The following MELTF variants were observed in gnomAD, a reference collection of about 807,000 sequenced individuals.
MELTF encodes the protein melanotransferrin.
A neutral mutation model predicts 83.7 loss-of-function variants in MELTF; 67 were observed. The observed-to-expected ratio is 0.80, with a 90% confidence interval of 0.66 to 0.98. The LOEUF is 0.98. Ranked by LOEUF, MELTF falls within the 50% of genes least tolerant of loss-of-function variation. The pLI is 0.00. For synonymous variants in MELTF, 462 were observed against 447.6 expected (o/e 1.03, Z -0.41); for missense variants, 1,002 against 1,035.6 (o/e 0.97, Z 0.44).
chr3:197,001,914 A>G lies in MELTF; in HGVS notation c.*1458T>C. ...ACACCTTCAATGGCCACGGCACGCT[A>G]GCCCAGAGTTAGCCACACAGAAACA... is the stretch of plus-strand genomic sequence containing the variant. On this transcript the variant is annotated 3_prime_UTR_variant, in exon 16 of 16. Transcript: ENST00000296350. 1 of 152,370 alleles carries G rather than the reference A, an allele frequency of 6.6e-6. No homozygotes were observed. The highest frequency in any genetic ancestry group is 1.5e-5 in the Non-Finnish European group (1 of 68,076). The allele number at this position is 152,370 out of a possible 1,614,324, so 9.4% of individuals were successfully genotyped here.
Position 197,026,978 on chromosome 3 carries a change from A to C in MELTF, c.205-219T>G, listed in dbSNP as rs1719882993. ...CTAATAATGTTAAAAAAAAAATACT[A>C]ATCATTGATTTTGCAGGACTCAGAT... On this transcript the variant is annotated intron_variant, in intron 2 of 15. Transcript: ENST00000296350. 9.1e-6 allele frequency: 5 copies of C among 550,042 alleles called. No homozygotes were observed. The Admixed American group carries it at 1.2e-4, about 13-fold the overall frequency. 34.1% of individuals were successfully genotyped at this position (550,042 alleles called of 1,614,324 possible).
intron 10 of MELTF, 30 bp downstream of exon 10, chr3:197,010,668 C>T: frequency 6.3e-7 from 1 of 1,583,026 alleles, no homozygotes; most frequent in African/African-American, 1.3e-5. Context: ...CACCTCCCGG[C>T]TGAGGCCAGG....
intron 11 of MELTF, among the ~76,000 whole-genome samples, chr3:197,009,275 G>A (rs1719094628): frequency 6.6e-6 from 1 of 152,158 alleles, no homozygotes; most frequent in Non-Finnish European, 1.5e-5. Flanking sequence ...CAGCTGTCTG[G>A]GAGTGGGAGC....
Position 197,016,219 on chromosome 3 carries a change from C to T in MELTF, c.1051G>A (p.Ala351Thr), listed in dbSNP as rs549039602. 13 of 1,586,648 alleles carry T rather than the reference C, an allele frequency of 8.2e-6. No homozygotes were observed. The highest frequency in any genetic ancestry group is 1.4e-5 in the African/African-American group (1 of 73,566). ...EAWLGHEYLH[A>T]MKGLLCDPNR... The stretch of plus-strand genomic sequence containing the variant: ...GGGTCACAGAGCAGACCCTTCATGG[C>T]GTGCAGGTACTCATGGCCCAGCCAC... Residue 351 changes from alanine (A) to threonine (T), a missense_variant, in exon 8 of 16, where the codon GCC becomes ACC. Physicochemically the swap from Ala to Thr is moderately conservative, Grantham distance 58. Transcript: ENST00000296350.
Position 197,028,156 on chromosome 3 carries a change from T to G in MELTF, c.50-246A>C. The G allele has an allele frequency of 1.2e-5, 6 of 495,970 alleles. No individual in the cohort carries two copies. The South Asian group carries it at 2.0e-4, about 16-fold the overall frequency. The allele number at this position is 495,970 out of a possible 1,614,324, so 30.7% of individuals were successfully genotyped here. A position where few individuals can be genotyped will look rare whatever the true frequency, so the allele number is the denominator to read the frequency against. ...AATGGAATGGCTCAGAACCCGGCCC[T>G]TTATGGAGGAATGGGAGGGTCTACA... On this transcript the variant is annotated intron_variant, in intron 1 of 15. Transcript: ENST00000296350.
chr3:197,020,744 C>T (rs1719587079), intron 6 of MELTF, among the ~76,000 whole-genome samples: 2 of 151,462 alleles, frequency 1.3e-5, no homozygotes, highest in South Asian at 4.2e-4. Flanking sequence ...TCTCGGCTCA[C>T]TGCAATCTCT....
At position 197,024,929 on chromosome 3, in the gene MELTF, C is replaced by T. The variant is rs115149502; in HGVS notation, c.305-444G>A. On this transcript the variant is annotated intron_variant, in intron 3 of 15. Coordinates refer to ENST00000296350, the MANE Select transcript of MELTF (RefSeq NM_005929.6). This position sits in a 1 kb window ranked among gnomAD's most constrained non-coding sequence, Gnocchi z 5.3. ...GGGTGTCTGGGAGGAGCAGGGGAGC[C>T]GAGGAGGGGCTTCCCCAGATGAGGA... is the stretch of plus-strand genomic sequence containing the variant. 0.013 allele frequency among the ~76,000 whole-genome samples: 2,028 copies of T among 152,194 alleles called. 56 individuals carry two copies. The highest frequency in any genetic ancestry group is 0.046 in the African/African-American group (1,917 of 41,500).
rs988655384 is a variant in MELTF, at chr3:197,008,201, C to T, written c.1750+456G>A. ...AAAACCCCCTGTGTGGTATGTTGGGCGTGCCCTGCCTCGGTGTGGCTTGGG... is the reference window on the plus strand; with the variant it reads ...AAAACCCCCTGTGTGGTATGTTGGGTGTGCCCTGCCTCGGTGTGGCTTGGG... On this transcript the variant is annotated intron_variant, in intron 13 of 15. Transcript: ENST00000296350. This position sits in a 1 kb window ranked among gnomAD's most constrained non-coding sequence, Gnocchi z 5.4. Among the ~76,000 whole-genome samples, 8 of 152,162 alleles carry T rather than the reference C, an allele frequency of 5.3e-5. No homozygotes were observed. The highest frequency in any genetic ancestry group is 9.7e-5 in the African/African-American group (4 of 41,430).
Position 197,003,524 on chromosome 3 carries a change from TG to T in MELTF, c.2138-74del. On this transcript the variant is annotated intron_variant, in intron 15 of 15. Coordinates refer to ENST00000296350, the MANE Select transcript of MELTF (RefSeq NM_005929.6). The surrounding 1 kb of genome is among the most constrained non-coding windows in gnomAD (Gnocchi z 6.2). ...GCCGCCTCAGGCGCCCGCTCTGGGG[TG>T]GGGGTGGGGGCATCTTTCGGGACCG... 1.1e-5 allele frequency: 1 copy of T among 93,780 alleles called. No individual in the cohort carries two copies. Among genetic ancestry groups the T allele is most frequent in the Non-Finnish European group, 1.7e-5 (1 of 58,980 alleles). 5.8% of individuals were successfully genotyped at this position (93,780 alleles called of 1,614,324 possible). A position where few individuals can be genotyped will look rare whatever the true frequency, so the allele number is the denominator to read the frequency against.
rs1366646917 is a variant in MELTF, at chr3:197,008,603, G to A, written c.1750+54C>T. On this transcript the variant is annotated intron_variant, in intron 13 of 15. Coordinates refer to ENST00000296350, the MANE Select transcript of MELTF (RefSeq NM_005929.6). This position sits in a 1 kb window ranked among gnomAD's most constrained non-coding sequence, Gnocchi z 5.4. The stretch of plus-strand genomic sequence containing the variant: ...AGCATGGTGTCTGGATGGTGCTGAA[G>A]ATGGGGAACAGTCCCCCCGACCTAC... 1.9e-6 allele frequency: 3 copies of A among 1,566,372 alleles called. No homozygotes were observed. The African/African-American group carries it at 4.0e-5, about 21-fold the overall frequency.
At chr3:197,004,460 C>G (rs1288239683) in intron 14 of MELTF, 4 of 324,412 alleles carry the variant, frequency 1.2e-5, no homozygotes, top group African/African-American at 2.1e-5. Flanking sequence ...ACTTCTTGGC[C>G]TTTTCCATAA....
At chr3:197,019,598 C>G in intron 6 of MELTF, 1 of 1,589,062 alleles carries the variant, frequency 6.3e-7, no homozygotes, top group African/African-American at 1.3e-5. Flanking sequence ...TTTGAAAGAG[C>G]TGATTCTTAA....
intron 9 of MELTF, among the ~76,000 whole-genome samples, chr3:197,012,778 A>G (rs1719234261): frequency 6.6e-6 from 1 of 152,238 alleles, no homozygotes; most frequent in Non-Finnish European, 1.5e-5. Context: ...GGCACTAGAG[A>G]TCAGGCCAGT....
rs1719785707 is a variant in MELTF, at chr3:197,024,780, C to T, written c.305-295G>A. Among the ~76,000 whole-genome samples, 1 of 152,202 alleles carries T rather than the reference C, an allele frequency of 6.6e-6. No individual in the cohort carries two copies. Among genetic ancestry groups the T allele is most frequent in the Non-Finnish European group, 1.5e-5 (1 of 68,034 alleles). On this transcript the variant is annotated intron_variant, in intron 3 of 15. Transcript: ENST00000296350. The surrounding 1 kb of genome is among the most constrained non-coding windows in gnomAD (Gnocchi z 5.3). The stretch of plus-strand genomic sequence containing the variant: ...GTGCTTAGCTGGGTCCACATTTGCT[C>T]ACATCAGGGGAGTTATTTAGCTGGA...
intron 6 of MELTF, among the ~76,000 whole-genome samples, chr3:197,021,125 C>T (rs1239889293): frequency 6.6e-6 from 1 of 152,242 alleles, no homozygotes; most frequent in African/African-American, 2.4e-5. Context: ...AACCAGAACC[C>T]AATGCCATAT....
rs1170687680 is a variant in MELTF, at chr3:197,004,054, C to T, written c.1984G>A (p.Asp662Asn). The T allele has an allele frequency of 2.5e-6, 4 of 1,614,132 alleles. No individual in the cohort carries two copies. In the Middle Eastern group the frequency reaches 6.6e-4, roughly 266 times the overall value. The change falls in exon 15 of 16, where the codon GAC becomes AAC. Residue 662 changes from aspartate to asparagine, a missense_variant. Asp to Asn is a conservative substitution (Grantham distance 23, BLOSUM62 1). Transcript: ENST00000296350. ...TCTTGGCCATGATAGTTGGAGGAGT[C>T]GAACATTTTGAACCCGTTCTTATTG... is the stretch of plus-strand genomic sequence containing the variant. Reference protein sequence around the residue: ...DHNKNGFKMFDSSNYHGQDLL... With the variant: ...DHNKNGFKMFNSSNYHGQDLL...
In MELTF at chr3:197,021,453, T is replaced by C; in HGVS notation, c.663A>G (p.Ala221=). Residue 221 remains alanine, a synonymous_variant, in exon 6 of 16, where the codon GCA becomes GCG. Transcript: ENST00000296350. The part of the protein sequence containing the change: ...SGAFRCLAEG[A]GDVAFVKHST... Reference sequence around the variant, plus strand: ...TGTGCTTCACAAAAGCCACGTCCCCTGCCCCTTCCGCCAGGCACCTGCGGA... The same window carrying C: ...TGTGCTTCACAAAAGCCACGTCCCCCGCCCCTTCCGCCAGGCACCTGCGGA... The C allele has an allele frequency of 6.2e-7, 1 of 1,614,020 alleles. No homozygotes were observed. Among genetic ancestry groups the C allele is most frequent in the Non-Finnish European group, 8.5e-7 (1 of 1,180,004 alleles).
At position 197,029,584 on chromosome 3, in the gene MELTF, G is replaced by C. The variant is rs1426629968; in HGVS notation, c.49+70C>G. ...AGGCTCAGGCACATTTCCAGCCCCG[G>C]GACCTGCTCAGCCGGGCCGCGGCGC... On this transcript the variant is annotated intron_variant, in intron 1 of 15. Transcript: ENST00000296350. This position sits in a 1 kb window ranked among gnomAD's most constrained non-coding sequence, Gnocchi z 6.5. 4 of 1,188,378 alleles carry C rather than the reference G, an allele frequency of 3.4e-6. No homozygotes were observed. The highest frequency in any genetic ancestry group is 3.2e-6 in the Non-Finnish European group (3 of 946,408). The allele number at this position is 1,188,378 out of a possible 1,614,324, so 73.6% of individuals were successfully genotyped here.
chr3:197,021,607 G>C (rs1719626730), intron 5 of MELTF, 136 bp from the exon 6 acceptor site: 1 of 751,782 alleles, frequency 1.3e-6, no homozygotes. Flanking sequence ...CTGGGTTCCA[G>C]CTCCCTGGCT....
Sources: allele counts gnomAD v4.1 joint callset (sites outside exome capture counted in the v4.1 genomes callset), GRCh38; gene constraint gnomAD v4.1.1; non-coding constraint Gnocchi (gnomAD v3.1); transcripts MANE v1.5; gene names NCBI Gene and HGNC (gene_info 2026-07-23, HGNC 2026-07-21).